FAT3: variants seen among roughly 807,000 people sequenced by gnomAD.
FAT3 encodes the protein protocadherin Fat 3.
In FAT3, 95 loss-of-function variants were observed where a neutral mutation model predicts 310.2. The observed-to-expected ratio is 0.31, with a 90% confidence interval of 0.26 to 0.36. FAT3 has a LOEUF of 0.36. Among genes scored for constraint, FAT3 ranks in the 10% least tolerant of loss-of-function variants. FAT3 has a pLI of 1.00. For synonymous variants in FAT3, 2,314 were observed against 2,192.9 expected, an observed-to-expected ratio of 1.06 and a Z score of -1.54; for missense variants, 5,408 against 5,715.6, an observed-to-expected ratio of 0.95 and a Z score of 1.74.
At chr11:92,520,939 G>A (rs1953661338) in intron 2 of FAT3, among the ~76,000 whole-genome samples, 1 of 152,056 alleles carries the variant, frequency 6.6e-6, no homozygotes, top group African/African-American at 2.4e-5. Flanking sequence ...TTCATTAAGA[G>A]TAAAATAAGG....
intron 3 of FAT3, among the ~76,000 whole-genome samples, chr11:92,627,292 T>C (rs2135689398): frequency 6.6e-6 from 1 of 152,294 alleles, no homozygotes; most frequent in African/African-American, 2.4e-5. Context: ...AATAGCTTGA[T>C]TCATAGGTGA....
At chr11:92,375,380 C>G (rs1015131405) in intron 2 of FAT3, among the ~76,000 whole-genome samples, 1 of 152,122 alleles carries the variant, frequency 6.6e-6, no homozygotes, top group East Asian at 1.9e-4. Context: ...GGCTCAAGCT[C>G]TCCTCCTGCC....
chr11:92,620,411 C>T (rs1359692721), intron 3 of FAT3, among the ~76,000 whole-genome samples: 1 of 152,112 alleles, frequency 6.6e-6, no homozygotes, highest in Non-Finnish European at 1.5e-5. Context: ...TATGGTTGAT[C>T]TTTTGCATAG....
chr11:92,616,518 TATG>T (rs1940815577), intron 3 of FAT3, among the ~76,000 whole-genome samples: 1 of 152,186 alleles, frequency 6.6e-6, no homozygotes, highest in African/African-American at 2.4e-5. Flanking sequence ...GATCCATCAT[TATG>T]ATGTTAGCTG....
At chr11:92,524,200 G>C (rs552476070) in intron 2 of FAT3, among the ~76,000 whole-genome samples, 1 of 152,242 alleles carries the variant, frequency 6.6e-6, no homozygotes, top group South Asian at 2.1e-4. Flanking sequence ...TACCCTAGGA[G>C]AGCTTTTCAT....
chr11:92,578,713 C>A (rs905906598), intron 3 of FAT3, among the ~76,000 whole-genome samples: 2 of 152,092 alleles, frequency 1.3e-5, no homozygotes, highest in Admixed American at 1.3e-4. Flanking sequence ...TCTTCCTAGG[C>A]CTCACTCTCC....
chr11:92,450,124 G>A (rs1054214204), intron 2 of FAT3, among the ~76,000 whole-genome samples: 7 of 152,134 alleles, frequency 4.6e-5, no homozygotes, highest in African/African-American at 1.4e-4. Flanking sequence ...CTGTGTATAC[G>A]GCCCCTGCCT....
chr11:92,396,105 A>G (rs1949863549), intron 2 of FAT3, among the ~76,000 whole-genome samples: 1 of 152,136 alleles, frequency 6.6e-6, no homozygotes, highest in Non-Finnish European at 1.5e-5. Flanking sequence ...GAAGAAGATA[A>G]TAGCTTCCTT....
At chr11:92,865,784 C>G (rs534146561) in intron 21 of FAT3, among the ~76,000 whole-genome samples, 1 of 152,364 alleles carries the variant, frequency 6.6e-6, no homozygotes, top group South Asian at 2.1e-4. Context: ...AATCCCTGCT[C>G]TGCAGCTCTC....
chr11:92,876,909 A>G (rs1949547459), intron 22 of FAT3, among the ~76,000 whole-genome samples: 1 of 152,242 alleles, frequency 6.6e-6, no homozygotes, highest in African/African-American at 2.4e-5. Context: ...GGAGAAACCC[A>G]AGAGTCCTTC....
chr11:92,765,752 C>A (rs369980620), intron 6 of FAT3, among the ~76,000 whole-genome samples: 1 of 147,890 alleles, frequency 6.8e-6, no homozygotes, highest in Non-Finnish European at 1.5e-5. Context: ...CCAATGACTT[C>A]TTTGTTTGAG....
At chr11:92,887,851 A>G (rs1035811660) in intron 25 of FAT3, among the ~76,000 whole-genome samples, 1 of 152,202 alleles carries the variant, frequency 6.6e-6, no homozygotes, top group African/African-American at 2.4e-5. Context: ...TAAAACAGTG[A>G]GTGTTTTCAA....
intron 12 of FAT3, among the ~76,000 whole-genome samples, chr11:92,809,541 A>G (rs555834032): frequency 6.6e-6 from 1 of 152,248 alleles, no homozygotes; most frequent in South Asian, 2.1e-4. Context: ...TGAGAGGTTT[A>G]AAGAGGTTTG....
At position 92,543,469 on chromosome 11, in the gene FAT3, A is replaced by G. The variant is rs925987428; in HGVS notation, c.3607+18521A>G. 2.6e-5 allele frequency among the ~76,000 whole-genome samples: 4 copies of G among 152,322 alleles called. No homozygotes were observed. In the South Asian group the frequency reaches 8.3e-4, roughly 32 times the overall value. On this transcript the variant is annotated intron_variant, in intron 3 of 27. Transcript: ENST00000525166. Reference sequence around the variant, plus strand: ...TAAATAGGTACAATTAATGTATGTAAGTTTCTTTTTAAGCAGCAGAGAAAT... The same window carrying G: ...TAAATAGGTACAATTAATGTATGTAGGTTTCTTTTTAAGCAGCAGAGAAAT...
At chr11:92,483,726 C>T (rs1297097424) in intron 2 of FAT3, among the ~76,000 whole-genome samples, 10 of 32,132 alleles carry the variant, frequency 3.1e-4, no homozygotes, top group Middle Eastern at 0.025. Context: ...AAGGTACAAA[C>T]TCTCACTAGG....
chr11:92,477,753 A>G (rs1472435413), intron 2 of FAT3, among the ~76,000 whole-genome samples: 1 of 152,220 alleles, frequency 6.6e-6, no homozygotes, highest in Non-Finnish European at 1.5e-5. Context: ...CTAAGGTTGA[A>G]TGTATTCAAG....
intron 3 of FAT3, among the ~76,000 whole-genome samples, chr11:92,672,366 G>C (rs925999803): frequency 3.9e-5 from 6 of 152,108 alleles, no homozygotes; most frequent in African/African-American, 1.4e-4. Context: ...GGAAAATCTA[G>C]AAGAAATATC....
chr11:92,495,951 C>T (rs1371021346), intron 2 of FAT3, among the ~76,000 whole-genome samples: 1 of 152,056 alleles, frequency 6.6e-6, no homozygotes, highest in Non-Finnish European at 1.5e-5. Flanking sequence ...CAAGTGTTAG[C>T]TATTTATTTT....
intron 4 of FAT3, among the ~76,000 whole-genome samples, chr11:92,741,336 C>G (rs1285397491): frequency 6.6e-6 from 1 of 152,172 alleles, no homozygotes; most frequent in African/African-American, 2.4e-5. Flanking sequence ...TAGGCATGAA[C>G]TACCACACCT....
Sources: allele counts gnomAD v4.1 joint callset (sites outside exome capture counted in the v4.1 genomes callset), GRCh38; gene constraint gnomAD v4.1.1; transcripts MANE v1.5; gene names NCBI Gene and HGNC (gene_info 2026-07-23, HGNC 2026-07-21).